TRIM4: variants seen among roughly 807,000 people sequenced by gnomAD.
The protein encoded by TRIM4 is tripartite motif containing 4.
A neutral mutation model predicts 33.7 loss-of-function variants in TRIM4; 29 were observed. The ratio of observed to expected loss-of-function variants is 0.86; its 90% confidence interval spans 0.64 to 1.17. The LOEUF (loss-of-function observed/expected upper bound fraction) is 1.17, where lower values mean the gene tolerates loss of function less well. Among genes scored for constraint, TRIM4 ranks in the 50% most tolerant of loss-of-function variants. The pLI is 0.00. For synonymous variants in TRIM4, 224 were observed against 233.0 expected, an observed-to-expected ratio of 0.96 and a Z score of 0.35; for missense variants, 554 against 593.7, an observed-to-expected ratio of 0.93 and a Z score of 0.69.
intron 5 of TRIM4, among the ~76,000 whole-genome samples, chr7:99,897,673 C>T (rs1016386078): frequency 6.6e-6 from 1 of 152,144 alleles, no homozygotes; most frequent in Non-Finnish European, 1.5e-5. Flanking sequence ...ATCCTACTCC[C>T]CAACCCCCTG....
intron 1 of TRIM4, among the ~76,000 whole-genome samples, chr7:99,911,031 G>A (rs1181789560): frequency 6.6e-6 from 1 of 152,212 alleles, no homozygotes; most frequent in Non-Finnish European, 1.5e-5. Context: ...AGAGCAGTGT[G>A]TAAATGGGAG....
In TRIM4 at chr7:99,909,578, G is replaced by C. The variant is rs1294169521; in HGVS notation, c.476C>G (p.Ala159Gly). ...TTCTGCCATTACCTTCCACTGTGTG[G>C]CGTTCTTCACTTCTACATCCTGTAA... ...MHLQDVEVKN[A>G]TQWKDKIKSQ... The change falls in exon 2 of 6, where the codon GCC (alanine) becomes GGC (glycine). Residue 159 changes from alanine (A) to glycine (G), a missense_variant. By Grantham distance (60) the Ala-to-Gly change is moderately conservative. Around this residue, in one of 3 missense-constraint regions of TRIM4, gnomAD observed 31 missense variants for 54.8 expected, o/e 0.57. Transcript: ENST00000349062. The C allele has an allele frequency of 6.2e-7, 1 of 1,613,638 alleles. No homozygotes were observed. The highest frequency in any genetic ancestry group is 1.3e-5 in the African/African-American group (1 of 74,816).
At chr7:99,916,828 A>G (rs768103636) in intron 1 of TRIM4, 11 of 776,718 alleles carry the variant, frequency 1.4e-5, no homozygotes, top group Admixed American at 1.4e-4. Flanking sequence ...AAACCCTTTT[A>G]TAACTCCCCA....
At chr7:99,894,449 G>C (rs1818967598) in intron 5 of TRIM4, among the ~76,000 whole-genome samples, 1 of 152,106 alleles carries the variant, frequency 6.6e-6, no homozygotes, top group Non-Finnish European at 1.5e-5. Flanking sequence ...TGGATTACGA[G>C]GTCAGGAGTT....
intron 5 of TRIM4, among the ~76,000 whole-genome samples, chr7:99,898,072 A>G (rs1276997351): frequency 6.6e-6 from 1 of 152,182 alleles, no homozygotes; most frequent in Non-Finnish European, 1.5e-5. Context: ...CCATGCTGCT[A>G]ACTTGAGTAC....
chr7:99,892,265 G>A lies in TRIM4; in HGVS notation c.1323C>T (p.His441=), dbSNP rs919146395. 3 of 1,614,038 alleles carry A rather than the reference G, an allele frequency of 1.9e-6. No individual in the cohort carries two copies. The highest frequency in any genetic ancestry group is 1.3e-5 in the African/African-American group (1 of 74,924). The change falls in exon 6 of 6, where the codon CAC becomes CAT. Residue 441 remains histidine, a synonymous_variant. Coordinates refer to ENST00000349062, the MANE Select transcript of TRIM4 (RefSeq NM_033091.3). ...CAGAAGAACAAGAAAAGGTGTGCAGGTGCACTCCGTCCACAGCGCTGTAGA... is the reference window on the plus strand; with the variant it reads ...CAGAAGAACAAGAAAAGGTGTGCAGATGCACTCCGTCCACAGCGCTGTAGA... ...VSFYSAVDGV[H]LHTFSCSSVS... is the part of the protein sequence containing the mutation.
At chr7:99,905,288 C>T (rs1457255356) in intron 3 of TRIM4, among the ~76,000 whole-genome samples, 3 of 152,092 alleles carry the variant, frequency 2.0e-5, no homozygotes, top group Non-Finnish European at 4.4e-5. Context: ...TCACTTTGTA[C>T]CAGTTTGAAA....
At chr7:99,918,570 A>AG (rs1278931101) in intron 1 of TRIM4, among the ~76,000 whole-genome samples, 2 of 152,066 alleles carry the variant, frequency 1.3e-5, no homozygotes, top group African/African-American at 4.8e-5. Context: ...ATCTCAGAAA[A>AG]AAAAAAAAAA....
At chr7:99,898,060 A>G (rs1819062947) in intron 5 of TRIM4, among the ~76,000 whole-genome samples, 1 of 152,232 alleles carries the variant, frequency 6.6e-6, no homozygotes, top group Non-Finnish European at 1.5e-5. Flanking sequence ...GCCATGGGGC[A>G]TCCATGCTGC....
chr7:99,913,594 C>T lies in TRIM4; in HGVS notation c.394-3934G>A, dbSNP rs186927849. ...GCTGAGGCAGGAAAATCGCTTGAAC[C>T]CGGGAGGTGGAGGTTGCAGTGAGCT... On this transcript the variant is annotated intron_variant, in intron 1 of 5. Transcript: ENST00000349062. Among the ~76,000 whole-genome samples the T allele has an allele frequency of 2.7e-3, 404 of 152,170 alleles. 2 individuals carry two copies. Among genetic ancestry groups the T allele is most frequent in the African/African-American group, 9.3e-3 (387 of 41,506 alleles).
chr7:99,913,829 C>A (rs1466432188), intron 1 of TRIM4, among the ~76,000 whole-genome samples: 1 of 152,122 alleles, frequency 6.6e-6, no homozygotes, highest in African/African-American at 2.4e-5. Flanking sequence ...GATCATGTAG[C>A]TCAAACAACA....
At position 99,892,172 on chromosome 7, in the gene TRIM4, A is replaced by T; in HGVS notation, c.1416T>A (p.Asp472Glu). 1.2e-6 allele frequency: 2 copies of T among 1,605,782 alleles called. No homozygotes were observed. Among genetic ancestry groups the T allele is most frequent in the Non-Finnish European group, 1.7e-6 (2 of 1,176,350 alleles). The change falls in exon 6 of 6, where the codon GAT becomes GAA. Residue 472 changes from aspartate to glutamate, a missense_variant. This residue lies in a region of TRIM4 where 290 missense variants were observed against 335.8 expected (regional missense o/e 0.86). Coordinates refer to ENST00000349062, the MANE Select transcript of TRIM4 (RefSeq NM_033091.3). ...CAGGGGAAGAAAAGCCTCATTTCCTATCAGTCACTGGTGGAATGACTAAAG... is the reference window on the plus strand; with the variant it reads ...CAGGGGAAGAAAAGCCTCATTTCCTTTCAGTCACTGGTGGAATGACTAAAG... ...LASLVIPPVT[D>E]RK
chr7:99,898,439 C>T (rs933282947), intron 5 of TRIM4, among the ~76,000 whole-genome samples: 5 of 152,230 alleles, frequency 3.3e-5, no homozygotes, highest in African/African-American at 4.8e-5. Flanking sequence ...ACTGTCTCCA[C>T]GTAGGGGCCC....
intron 1 of TRIM4, among the ~76,000 whole-genome samples, chr7:99,917,254 T>C (rs1046839799): frequency 4.6e-5 from 7 of 152,350 alleles, no homozygotes; most frequent in Admixed American, 3.9e-4. Context: ...CATCCACTTA[T>C]GTCCAGATTC....
intron 1 of TRIM4, among the ~76,000 whole-genome samples, chr7:99,910,670 G>C (rs1819419330): frequency 6.6e-6 from 1 of 152,188 alleles, no homozygotes; most frequent in Non-Finnish European, 1.5e-5. Flanking sequence ...GAAAAAGAAT[G>C]GCTTACGAAT....
chr7:99,917,222 A>G (rs1383713686), intron 1 of TRIM4, among the ~76,000 whole-genome samples: 1 of 152,244 alleles, frequency 6.6e-6, no homozygotes, highest in Admixed American at 6.5e-5. Flanking sequence ...AGTTCCTTAC[A>G]AGACAAAGCC....
chr7:99,918,109 C>G (rs1819597893), intron 1 of TRIM4, among the ~76,000 whole-genome samples: 1 of 152,154 alleles, frequency 6.6e-6, no homozygotes, highest in Admixed American at 6.5e-5. Context: ...AGGCTTTTCC[C>G]AAATCATCAG....
chr7:99,902,507 A>G (rs984816853), intron 5 of TRIM4, among the ~76,000 whole-genome samples: 1 of 152,164 alleles, frequency 6.6e-6, no homozygotes, highest in East Asian at 1.9e-4. Flanking sequence ...TCGACCTCCC[A>G]AAGTGCTGGG....
In TRIM4 at chr7:99,919,365, G is replaced by A. The variant is rs775448654; in HGVS notation, c.37C>T (p.Pro13Ser). 1.9e-6 allele frequency: 3 copies of A among 1,577,164 alleles called. No individual in the cohort carries two copies. The highest frequency in any genetic ancestry group is 2.4e-5 in the East Asian group (1 of 40,898). The change falls in exon 1 of 6, where the codon CCC becomes TCC. Residue 13 changes from proline to serine, a missense_variant. Physicochemically the swap from Pro to Ser is moderately conservative, Grantham distance 74. This residue lies in a region of TRIM4 where 233 missense variants were observed against 203.1 expected (regional missense o/e 1.15). Transcript: ENST00000349062. ...AEDIQEELTC[P>S]ICLDYFQDPV... ...TCCTGGAAATAGTCCAGGCAGATGGGGCAGGTCAACTCCTCCTGGATGTCC... is the reference window on the plus strand; with the variant it reads ...TCCTGGAAATAGTCCAGGCAGATGGAGCAGGTCAACTCCTCCTGGATGTCC...
Sources: allele counts gnomAD v4.1 joint callset (sites outside exome capture counted in the v4.1 genomes callset), GRCh38; gene constraint gnomAD v4.1.1; regional missense constraint gnomAD v4.1.1; transcripts MANE v1.5; gene names NCBI Gene and HGNC (gene_info 2026-07-23, HGNC 2026-07-21).